The following KCNN2 variants were observed in gnomAD, a reference collection of about 807,000 sequenced individuals.
The protein encoded by KCNN2 is potassium calcium-activated channel subfamily N member 2, also known as small conductance calcium-activated potassium channel protein 2.
A neutral mutation model predicts 55.5 loss-of-function variants in KCNN2; 24 were observed. That is an observed-to-expected ratio of 0.43 (90% CI 0.31 to 0.61). KCNN2 has a LOEUF of 0.61. KCNN2 is among the 20% of genes least tolerant of loss of function. The pLI is 0.08. For synonymous variants in KCNN2, 431 were observed against 336.1 expected (o/e 1.28, Z -3.09); for missense variants, 754 against 853.6 (o/e 0.88, Z 1.45).
intron 2 of KCNN2, among the ~76,000 whole-genome samples, chr5:114,321,662 T>G (rs368537254): frequency 1.4e-5 from 2 of 145,746 alleles, no homozygotes; most frequent in African/African-American, 5.0e-5. Flanking sequence ...TTTTTTTTTT[T>G]TGTTGTTGTT....
At chr5:114,452,080 T>C (rs971564819) in intron 3 of KCNN2, among the ~76,000 whole-genome samples, 4 of 152,094 alleles carry the variant, frequency 2.6e-5, no homozygotes, top group Non-Finnish European at 5.9e-5. Flanking sequence ...AACTCAGTTA[T>C]AGGGAAAAAA....
At chr5:114,138,549 ATC>A (rs1752215591) in intron 1 of KCNN2, among the ~76,000 whole-genome samples, 1 of 152,156 alleles carries the variant, frequency 6.6e-6, no homozygotes, top group South Asian at 2.1e-4. Flanking sequence ...TAGAACCCAA[ATC>A]TCTGTTTCTC....
intron 1 of KCNN2, among the ~76,000 whole-genome samples, chr5:114,090,906 C>G (rs1389078897): frequency 6.6e-6 from 1 of 152,090 alleles, no homozygotes; most frequent in African/African-American, 2.4e-5. Context: ...TGGACAGCCT[C>G]AACTCACTGC....
In KCNN2 at chr5:114,303,225, C is replaced by T. The variant is rs942871535; in HGVS notation, c.-184-57720C>T. Among the ~76,000 whole-genome samples, 7 of 152,204 alleles carry T rather than the reference C, an allele frequency of 4.6e-5. No homozygotes were observed. In the South Asian group the frequency reaches 6.2e-4, roughly 13 times the overall value. ...CTACTTGGTATCAGACACTCTACTT[C>T]GCGTTTTATATGTATTATTTCACCT... On this transcript the variant is annotated intron_variant, in intron 2 of 10. Coordinates refer to the KCNN2 transcript ENST00000512097.
At chr5:114,252,642 T>C (rs952932367) in intron 2 of KCNN2, among the ~76,000 whole-genome samples, 22 of 152,138 alleles carry the variant, frequency 1.4e-4, no homozygotes, top group African/African-American at 4.8e-4. Context: ...CAGTAGTTTA[T>C]GGAAGTAAGA....
chr5:114,181,814 C>T (rs1004054441), intron 1 of KCNN2, among the ~76,000 whole-genome samples: 4 of 151,908 alleles, frequency 2.6e-5, no homozygotes, highest in Non-Finnish European at 4.4e-5. Flanking sequence ...GTCAGGAGTT[C>T]GAGACCAGCC....
chr5:114,160,577 T>C lies in KCNN2; in HGVS notation c.-270-60903T>C, dbSNP rs1209797899. On this transcript the variant is annotated intron_variant, in intron 1 of 10. Transcript: ENST00000512097. The stretch of plus-strand genomic sequence containing the variant: ...ATATCCTTTTTAACTTTCTGTCTCG[T>C]TGATCTGTCTAATGTTGACAGTGGG... Among the ~76,000 whole-genome samples the C allele has an allele frequency of 7.9e-5, 12 of 152,264 alleles. No homozygotes were observed. In the East Asian group the frequency reaches 2.3e-3, roughly 29 times the overall value.
chr5:114,150,977 C>A (rs147582491), intron 1 of KCNN2, among the ~76,000 whole-genome samples: 2 of 152,106 alleles, frequency 1.3e-5, no homozygotes, highest in African/African-American at 4.8e-5. Flanking sequence ...GCTGAGATGG[C>A]GCCATTGCAC....
At chr5:114,286,950 T>A (rs1755766529) in intron 2 of KCNN2, among the ~76,000 whole-genome samples, 1 of 152,212 alleles carries the variant, frequency 6.6e-6, no homozygotes, top group Non-Finnish European at 1.5e-5. Context: ...GTAGATATTA[T>A]CTTTCTCTTT....
intron 4 of KCNN2, among the ~76,000 whole-genome samples, chr5:114,472,422 G>A (rs1468113710): frequency 6.6e-6 from 1 of 152,142 alleles, no homozygotes; most frequent in Non-Finnish European, 1.5e-5. Flanking sequence ...CTTTCCTAGT[G>A]TCATGTTAGT....
chr5:114,319,642 C>T (rs1338542966), intron 2 of KCNN2, among the ~76,000 whole-genome samples: 5 of 152,142 alleles, frequency 3.3e-5, no homozygotes, highest in Non-Finnish European at 5.9e-5. Context: ...TATATTCAGG[C>T]AAAAGTCTGA....
intron 3 of KCNN2, among the ~76,000 whole-genome samples, chr5:114,415,163 T>C (rs1203209302): frequency 6.6e-6 from 1 of 152,244 alleles, no homozygotes; most frequent in African/African-American, 2.4e-5. Flanking sequence ...TTCCTTTTTA[T>C]TGATGAATAC....
chr5:114,402,045 T>G (rs1400919341), intron 2 of KCNN2, among the ~76,000 whole-genome samples: 1 of 152,150 alleles, frequency 6.6e-6, no homozygotes, highest in Non-Finnish European at 1.5e-5. Context: ...GAGAGAAAAG[T>G]CAGAGATGGA....
At position 114,268,497 on chromosome 5, in the gene KCNN2, C is replaced by CT. The variant is rs148378745; in HGVS notation, c.-185+46938dup. ...TGCACTTTCATGGCTAATATGAAGCCTTTTTTGTGCAAATACCAACTGACT... is the reference window on the plus strand; with the variant it reads ...TGCACTTTCATGGCTAATATGAAGCCTTTTTTTGTGCAAATACCAACTGACT... On this transcript the variant is annotated intron_variant, in intron 2 of 10. Transcript: ENST00000512097. Among the ~76,000 whole-genome samples the CT allele has an allele frequency of 5.9e-3, 894 of 152,298 alleles. 10 individuals carry two copies. The highest frequency in any genetic ancestry group is 0.02 in the African/African-American group (838 of 41,564).
intron 1 of KCNN2, among the ~76,000 whole-genome samples, chr5:114,158,327 A>G (rs1355168976): frequency 6.6e-6 from 1 of 152,064 alleles, no homozygotes; most frequent in Non-Finnish European, 1.5e-5. Context: ...ATGCGGCATT[A>G]TTTCTGAGGG....
At chr5:114,358,296 C>G (rs79494314), upstream of KCNN2, among the ~76,000 whole-genome samples, 2 of 151,892 alleles carry the variant, frequency 1.3e-5, no homozygotes, top group Non-Finnish European at 2.9e-5. Flanking sequence ...AAAAAGTGGG[C>G]GAAGGAGATG....
intron 1 of KCNN2, among the ~76,000 whole-genome samples, chr5:114,062,709 A>C (rs1037867857): frequency 2.0e-5 from 3 of 152,172 alleles, no homozygotes; most frequent in Admixed American, 6.5e-5. Context: ...CTTCCAATTC[A>C]TGCGTTATTA....
chr5:114,172,618 A>C (rs114808097), intron 1 of KCNN2, among the ~76,000 whole-genome samples: 1,803 of 148,264 alleles, frequency 0.012, 17 homozygotes, highest in Middle Eastern at 0.029. Context: ...TAGTTTATAT[A>C]ACATATATAT....
chr5:114,162,088 G>C (rs903800632), intron 1 of KCNN2, among the ~76,000 whole-genome samples: 6 of 152,192 alleles, frequency 3.9e-5, no homozygotes, highest in Admixed American at 6.5e-5. Context: ...CTGATTTTTA[G>C]AGTTTCCGGT....
Sources: gnomAD v4.1 joint callset for allele counts (sites outside exome capture counted in the v4.1 genomes callset) on GRCh38, gnomAD v4.1.1 for gene constraint, MANE v1.5 for transcripts, NCBI Gene and HGNC (gene_info 2026-07-23, HGNC 2026-07-21) for gene names.